RXFP2: variants seen among roughly 807,000 people sequenced by gnomAD.
The protein encoded by RXFP2 is relaxin family peptide receptor 2.
In RXFP2, 68 loss-of-function variants were observed where a neutral mutation model predicts 88.6. The ratio of observed to expected loss-of-function variants is 0.77; its 90% CI spans 0.63 to 0.94. The LOEUF (loss-of-function observed/expected upper bound fraction) is 0.94. RXFP2 is among the 40% of genes least tolerant of loss of function. RXFP2 has a pLI of 0.00. For synonymous variants in RXFP2, 329 were observed against 306.8 expected, an observed-to-expected ratio of 1.07 and a Z score of -0.76; for missense variants, 791 against 893.9, an observed-to-expected ratio of 0.88 and a Z score of 1.47.
intron 13 of RXFP2, 127 bp downstream of exon 13, chr13:31,786,764 C>T (rs1207531541): frequency 1.5e-6 from 1 of 653,472 alleles, no homozygotes; most frequent in Admixed American, 2.6e-5. Flanking sequence ...ATCACAGATC[C>T]CATCAAGTAC....
chr13:31,757,578 C>A lies in RXFP2; in HGVS notation c.95-680C>A, dbSNP rs944245903. Among the ~76,000 whole-genome samples, 4 of 152,274 alleles carry A rather than the reference C, an allele frequency of 2.6e-5. No homozygotes were observed. The East Asian group carries it at 7.7e-4, about 29-fold the overall frequency. On this transcript the variant is annotated intron_variant, in intron 1 of 17. Coordinates refer to ENST00000298386, the MANE Select transcript of RXFP2 (RefSeq NM_130806.5). Reference sequence around the variant, plus strand: ...ATATTTTTATCATGTCACCTCAAGTCCTTCTTGTAAAAGATTAATAAGTAA... The same window carrying A: ...ATATTTTTATCATGTCACCTCAAGTACTTCTTGTAAAAGATTAATAAGTAA...
At chr13:31,759,375 G>GAGGAA (rs1872142442) in intron 2 of RXFP2, among the ~76,000 whole-genome samples, 1 of 22,944 alleles carries the variant, frequency 4.4e-5, no homozygotes, top group African/African-American at 1.7e-4. Context: ...CATTTGGATT[G>GAGGAA]AGAAAGAAAG....
chr13:31,797,431 C>A lies in RXFP2; in HGVS notation c.2005+12C>A, dbSNP rs1250194060. 1 of 1,587,352 alleles carries A rather than the reference C, an allele frequency of 6.3e-7. No homozygotes were observed. ...GGTGGAAATACCAGGTCAGTCTCTTCTATCATTCCCAAGTATAATACATCG... is the reference window on the plus strand; with the variant it reads ...GGTGGAAATACCAGGTCAGTCTCTTATATCATTCCCAAGTATAATACATCG... On this transcript the variant is annotated intron_variant, in intron 17 of 17. Transcript: ENST00000298386.
intron 17 of RXFP2, 141 bp downstream of exon 17, chr13:31,797,560 G>A (rs1874117665): frequency 1.4e-6 from 1 of 702,820 alleles, no homozygotes; most frequent in Non-Finnish European, 2.5e-6. Context: ...TTTATAATCA[G>A]TATTATAAAA....
intron 1 of RXFP2, among the ~76,000 whole-genome samples, chr13:31,755,707 C>G (rs111483797): frequency 1.3e-5 from 2 of 152,246 alleles, no homozygotes; most frequent in African/African-American, 4.8e-5. Context: ...CCTGCGTGAA[C>G]AGGTTTAACA....
At chr13:31,747,248 C>A (rs1284726953) in intron 1 of RXFP2, among the ~76,000 whole-genome samples, 1 of 152,076 alleles carries the variant, frequency 6.6e-6, no homozygotes, top group African/African-American at 2.4e-5. Flanking sequence ...TATGGGCCAC[C>A]TTACCCCATC....
intron 1 of RXFP2, among the ~76,000 whole-genome samples, chr13:31,746,666 C>T (rs1460937115): frequency 2.0e-5 from 3 of 152,110 alleles, no homozygotes; most frequent in East Asian, 1.9e-4. Flanking sequence ...TCGATTATAG[C>T]TCAGCCAGTA....
At chr13:31,791,443 C>T (rs1031852972) in intron 14 of RXFP2, among the ~76,000 whole-genome samples, 1 of 152,134 alleles carries the variant, frequency 6.6e-6, no homozygotes, top group Non-Finnish European at 1.5e-5. Context: ...AGCCCAAGCC[C>T]CTGAAAGTCT....
chr13:31,757,313 C>G (rs1323410640), intron 1 of RXFP2, among the ~76,000 whole-genome samples: 2 of 152,190 alleles, frequency 1.3e-5, no homozygotes, highest in African/African-American at 4.8e-5. Context: ...TGTCACTTCC[C>G]AGACAAACCA....
intron 10 of RXFP2, among the ~76,000 whole-genome samples, chr13:31,781,988 G>A (rs550471581): frequency 8.6e-5 from 13 of 151,974 alleles, no homozygotes; most frequent in Non-Finnish European, 1.9e-4. Flanking sequence ...CAGCTGAACT[G>A]GGACCTGAAA....
chr13:31,760,116 C>A (rs1054361455), intron 2 of RXFP2, among the ~76,000 whole-genome samples: 5 of 151,888 alleles, frequency 3.3e-5, no homozygotes, highest in Non-Finnish European at 7.4e-5. Context: ...GAGATGGAGT[C>A]TTGCTCTTGT....
At chr13:31,772,988 T>A (rs1213279870) in intron 5 of RXFP2, among the ~76,000 whole-genome samples, 1 of 152,262 alleles carries the variant, frequency 6.6e-6, no homozygotes, top group East Asian at 1.9e-4. Flanking sequence ...AATTGTATAT[T>A]TAAGAGAAAC....
At chr13:31,747,442 A>G (rs562720347) in intron 1 of RXFP2, among the ~76,000 whole-genome samples, 1 of 152,324 alleles carries the variant, frequency 6.6e-6, no homozygotes, top group East Asian at 1.9e-4. Context: ...CATGCACTCA[A>G]CCCACACTGA....
chr13:31,746,346 A>G (rs544760980), intron 1 of RXFP2, among the ~76,000 whole-genome samples: 4 of 152,342 alleles, frequency 2.6e-5, no homozygotes, highest in Admixed American at 1.3e-4. Flanking sequence ...ATTGTTTGAC[A>G]CATTAATTCT....
intron 5 of RXFP2, among the ~76,000 whole-genome samples, chr13:31,773,740 G>A (rs763448003): frequency 7.2e-5 from 11 of 152,130 alleles, no homozygotes; most frequent in Non-Finnish European, 1.5e-4. Context: ...ATAGCCAGAC[G>A]TCAAATGAGC....
At chr13:31,753,328 A>G (rs554320501) in intron 1 of RXFP2, among the ~76,000 whole-genome samples, 1 of 152,326 alleles carries the variant, frequency 6.6e-6, no homozygotes, top group South Asian at 2.1e-4. Context: ...GTTGGCTTTA[A>G]AAGGCCATCT....
chr13:31,781,781 C>A (rs201398059), intron 10 of RXFP2, 39 bp downstream of exon 10: 14 of 1,489,628 alleles, frequency 9.4e-6, no homozygotes, highest in Middle Eastern at 3.5e-4. Context: ...AGGGGAAACC[C>A]TATATATTTG....
intron 9 of RXFP2, among the ~76,000 whole-genome samples, chr13:31,780,822 C>T (rs1356005811): frequency 1.3e-5 from 2 of 152,206 alleles, no homozygotes; most frequent in African/African-American, 4.8e-5. Context: ...CAGACATCAG[C>T]GTGCATCGTA....
At chr13:31,762,797 A>G (rs992364058) in intron 3 of RXFP2, among the ~76,000 whole-genome samples, 2 of 152,180 alleles carry the variant, frequency 1.3e-5, no homozygotes, top group African/African-American at 4.8e-5. Flanking sequence ...AAAAATAAAT[A>G]TAACCAAAAG....
Sources: gnomAD v4.1 joint callset for allele counts (sites outside exome capture counted in the v4.1 genomes callset) on GRCh38, gnomAD v4.1.1 for gene constraint, MANE v1.5 for transcripts, NCBI Gene and HGNC (gene_info 2026-07-23, HGNC 2026-07-21) for gene names.